CPZ: variants seen among roughly 807,000 people sequenced by gnomAD.
CPZ encodes VEZT/CPZ fusion.
In CPZ, 103 loss-of-function variants were observed where a neutral mutation model predicts 61.8. The observed-to-expected ratio is 1.67, with a 90% confidence interval of 1.42 to 1.96. The LOEUF is 1.96. Among genes scored for constraint, CPZ ranks in the 30% most tolerant of loss-of-function variants. The pLI, the probability that CPZ is intolerant of heterozygous loss-of-function variation, is 0.00. For missense variants in CPZ, 1,461 were observed against 914.9 expected (o/e 1.60, Z -7.70); for synonymous variants, 551 against 373.7 (o/e 1.47, Z -5.47).
At chr4:8,611,909 C>T (rs1427471451) in intron 7 of CPZ, 118 bp from the exon 8 acceptor site, 1 of 1,398,950 alleles carries the variant, frequency 7.1e-7, no homozygotes, top group Admixed American at 1.9e-5. Flanking sequence ...AGACACCATT[C>T]CCCTCTCCTA....
intron 4 of CPZ, among the ~76,000 whole-genome samples, chr4:8,604,755 A>G (rs1030362078): frequency 2.0e-5 from 3 of 152,166 alleles, no homozygotes; most frequent in African/African-American, 4.8e-5. Context: ...CTCAAACAGA[A>G]TCGGTTATTT....
chr4:8,596,817 C>T (rs1279684485), intron 1 of CPZ, among the ~76,000 whole-genome samples: 6 of 152,296 alleles, frequency 3.9e-5, no homozygotes, highest in South Asian at 2.1e-4. Flanking sequence ...CTTGTGTGGG[C>T]GCTTGGTGGC....
At chr4:8,599,577 T>G in intron 2 of CPZ, 92 bp downstream of exon 2, 1 of 1,572,694 alleles carries the variant, frequency 6.4e-7, no homozygotes, top group Non-Finnish European at 8.6e-7. Context: ...ATCCGTGATT[T>G]CAGAAGTGGG....
intron 8 of CPZ, among the ~76,000 whole-genome samples, chr4:8,612,693 A>G (rs1715818266): frequency 6.6e-6 from 1 of 152,202 alleles, no homozygotes; most frequent in Non-Finnish European, 1.5e-5. Flanking sequence ...CAGGAGCAAT[A>G]TAATGGGCAT....
chr4:8,616,191 T>C (rs971587455), intron 9 of CPZ, among the ~76,000 whole-genome samples: 5 of 152,320 alleles, frequency 3.3e-5, no homozygotes, highest in East Asian at 1.9e-4. Context: ...CGCGGGCTCC[T>C]GATAAGGATC....
rs200776441 is a variant in CPZ, at chr4:8,597,364, TC to T, written c.89-2088del. Reference sequence around the variant, plus strand: ...GCAGAATCCCGGACCAGCTTTTTTTTCATTCCTTTTTTCCTAAAGTTCAAGC... The same window carrying T: ...GCAGAATCCCGGACCAGCTTTTTTTTATTCCTTTTTTCCTAAAGTTCAAGC... On this transcript the variant is annotated intron_variant, in intron 1 of 10. Transcript: ENST00000360986. 1,414 of 152,348 alleles carry T rather than the reference TC, an allele frequency of 9.3e-3. 12 individuals are homozygous for T. Among genetic ancestry groups the T allele is most frequent in the Middle Eastern group, 0.014 (4 of 294 alleles). The allele number at this position is 152,348 out of a possible 1,614,324, so 9.4% of individuals were successfully genotyped here. A position where few individuals can be genotyped will look rare whatever the true frequency, so the allele number is the denominator to read the frequency against.
chr4:8,611,501 G>A (rs1390228556), intron 7 of CPZ, among the ~76,000 whole-genome samples: 1 of 152,206 alleles, frequency 6.6e-6, no homozygotes, highest in East Asian at 1.9e-4. Context: ...TAGTCAGGGA[G>A]GGGCTTCCTG....
intron 9 of CPZ, 54 bp from the exon 10 acceptor site, chr4:8,618,375 A>C (rs1315990767): frequency 1.3e-6 from 2 of 1,568,518 alleles, no homozygotes; most frequent in African/African-American, 2.7e-5. Context: ...GACGGCCTCC[A>C]CGCTCAGCAG....
intron 9 of CPZ, among the ~76,000 whole-genome samples, chr4:8,617,312 G>C (rs1345207158): frequency 6.6e-6 from 1 of 152,046 alleles, no homozygotes; most frequent in Non-Finnish European, 1.5e-5. Context: ...TGTCTGAAGT[G>C]AACAGTCACT....
At chr4:8,609,097 C>T (rs1295888719) in intron 7 of CPZ, among the ~76,000 whole-genome samples, 604 of 26,148 alleles carry the variant, frequency 0.023, 10 homozygotes, top group Non-Finnish European at 0.04. Flanking sequence ...CCCATTCACT[C>T]ACTCACTCCC....
chr4:8,617,531 T>C (rs1406398952), intron 9 of CPZ, among the ~76,000 whole-genome samples: 3 of 152,212 alleles, frequency 2.0e-5, no homozygotes. Flanking sequence ...GAAAACAGTC[T>C]CTCCAACCTA....
At chr4:8,609,137 T>A (rs115208693) in intron 7 of CPZ, among the ~76,000 whole-genome samples, 294 of 29,296 alleles carry the variant, frequency 0.01, 3 homozygotes, top group South Asian at 0.044. Context: ...TTCACTCATT[T>A]ACTCATTCAC....
Position 8,619,561 on chromosome 4 carries a change from T to C in CPZ, c.1903T>C (p.Trp635Arg). 1 of 1,547,624 alleles carries C rather than the reference T, an allele frequency of 6.5e-7. No individual in the cohort carries two copies. Among genetic ancestry groups the C allele is most frequent in the South Asian group, 1.3e-5 (1 of 79,772 alleles). The change falls in exon 11 of 11, where the codon TGG becomes CGG. Residue 635 changes from tryptophan (W) to arginine (R), a missense_variant. By Grantham distance (101) the Trp-to-Arg change is moderately radical. Transcript: ENST00000360986. ...PSADGSKPWW[W>R]SYFTSLSTHR... ...GGCCGACGGGAGTAAGCCCTGGTGG[T>C]GGTCCTACTTCACATCGCTGAGCAC...
chr4:8,615,154 G>A (rs966729474), intron 9 of CPZ, among the ~76,000 whole-genome samples: 1 of 152,052 alleles, frequency 6.6e-6, no homozygotes, highest in Admixed American at 6.5e-5. Context: ...TCCTGACTGA[G>A]GGGTGACTAC....
At chr4:8,596,862 C>T (rs1335848268) in intron 1 of CPZ, among the ~76,000 whole-genome samples, 1 of 152,204 alleles carries the variant, frequency 6.6e-6, no homozygotes, top group Non-Finnish European at 1.5e-5. Context: ...GACACCTCAC[C>T]TTGTAGCTCC....
intron 9 of CPZ, among the ~76,000 whole-genome samples, chr4:8,616,227 T>C (rs1716146907): frequency 6.6e-6 from 1 of 152,132 alleles, no homozygotes; most frequent in Non-Finnish European, 1.5e-5. Flanking sequence ...AATTGAGGCT[T>C]TTTTCAAAGT....
chr4:8,612,758 C>T (rs1041240637), intron 8 of CPZ, among the ~76,000 whole-genome samples: 1 of 152,168 alleles, frequency 6.6e-6, no homozygotes. Context: ...ATGCTCTGGG[C>T]CCTGCCTGCA....
chr4:8,599,474 C>T lies in CPZ; in HGVS notation c.110C>T (p.Ala37Val), dbSNP rs1325521213. The T allele has an allele frequency of 1.9e-6, 3 of 1,612,662 alleles. No individual in the cohort carries two copies. The highest frequency in any genetic ancestry group is 2.2e-5 in the South Asian group (2 of 90,882). ...CCAGGTGAATGCCACAGGCCACCAG[C>T]TGCAGACAGCGGTACAGTACCGGGA... ...NPAGECHRPPAADSATCVDLQ... is the reference protein window; with the variant it reads ...NPAGECHRPPVADSATCVDLQ... The change falls in exon 2 of 11, where the codon GCT (alanine) becomes GTT (valine). Residue 37 changes from alanine to valine, a missense_variant. Transcript: ENST00000360986.
At chr4:8,601,019 C>T in intron 2 of CPZ, 104 bp from the exon 3 acceptor site, 2 of 1,440,856 alleles carry the variant, frequency 1.4e-6, no homozygotes, top group Non-Finnish European at 9.1e-7. Flanking sequence ...GGGTGCCCCT[C>T]CCTGCAGGCC....
Sources: allele counts gnomAD v4.1 joint callset (sites outside exome capture counted in the v4.1 genomes callset), GRCh38; gene constraint gnomAD v4.1.1; transcripts MANE v1.5; gene names NCBI Gene and HGNC (gene_info 2026-07-23, HGNC 2026-07-21).